The following ATP8B4 variants were observed in gnomAD, a reference collection of about 807,000 sequenced individuals.
ATP8B4 encodes the protein probable phospholipid-transporting ATPase IM.
Under a neutral mutation model 145.6 loss-of-function variants are expected in ATP8B4, and 133 were observed. That is an observed-to-expected ratio of 0.91 (90% CI 0.79 to 1.05). The LOEUF (loss-of-function observed/expected upper bound fraction) is 1.05, where lower values mean the gene tolerates loss of function less well. Among genes scored for constraint, ATP8B4 ranks in the 50% least tolerant of loss-of-function variants. The pLI is 0.00. For missense variants in ATP8B4, 1,458 were observed against 1,425.2 expected, an observed-to-expected ratio of 1.02 and a Z score of -0.37; for synonymous variants, 507 against 492.9, an observed-to-expected ratio of 1.03 and a Z score of -0.38.
intron 9 of ATP8B4, 107 bp from the exon 10 acceptor site, chr15:49,987,656 G>T: frequency 8.7e-7 from 1 of 1,147,716 alleles, no homozygotes; most frequent in Non-Finnish European, 1.2e-6. Flanking sequence ...TAGACAGCCT[G>T]GGGTTACATA....
At chr15:50,033,097 C>T (rs113190915) in intron 6 of ATP8B4, among the ~76,000 whole-genome samples, 3 of 152,148 alleles carry the variant, frequency 2.0e-5, no homozygotes, top group African/African-American at 7.2e-5. Flanking sequence ...TCTAGAAACA[C>T]CAGACTTGGA....
At chr15:49,884,908 TG>T (rs911884874) in intron 23 of ATP8B4, among the ~76,000 whole-genome samples, 1 of 152,234 alleles carries the variant, frequency 6.6e-6, no homozygotes, top group Admixed American at 6.5e-5. Flanking sequence ...TGATCTGAGG[TG>T]GAACAGTCTC....
At chr15:50,076,788 A>G (rs1171433431) in intron 2 of ATP8B4, among the ~76,000 whole-genome samples, 1 of 152,198 alleles carries the variant, frequency 6.6e-6, no homozygotes, top group African/African-American at 2.4e-5. Context: ...CTGGCAGAAA[A>G]TTTAGCATCC....
intron 2 of ATP8B4, among the ~76,000 whole-genome samples, chr15:50,076,353 G>A (rs761184802): frequency 3.9e-5 from 6 of 152,054 alleles, no homozygotes; most frequent in South Asian, 4.1e-4. Flanking sequence ...TTAGCTGGGC[G>A]TGGTGGCACA....
At chr15:49,864,479 G>A (rs2032432883) in intron 26 of ATP8B4, among the ~76,000 whole-genome samples, 1 of 152,150 alleles carries the variant, frequency 6.6e-6, no homozygotes, top group South Asian at 2.1e-4. Flanking sequence ...AGATGAACTC[G>A]GTTAGCAGCT....
At chr15:49,978,998 C>T (rs867955365) in intron 12 of ATP8B4, among the ~76,000 whole-genome samples, 1 of 152,100 alleles carries the variant, frequency 6.6e-6, no homozygotes, top group Non-Finnish European at 1.5e-5. Flanking sequence ...TATATTTTAA[C>T]TCCTTTATGT....
At position 49,858,510 on chromosome 15, in the gene ATP8B4, T is replaced by C. The variant is rs2031083344; in HGVS notation, c.*1684A>G. 1 of 152,234 alleles carries C rather than the reference T, an allele frequency of 6.6e-6. No homozygotes were observed. Among genetic ancestry groups the C allele is most frequent in the South Asian group, 2.1e-4 (1 of 4,836 alleles). 9.4% of individuals were successfully genotyped at this position (152,234 alleles called of 1,614,324 possible). A position where few individuals can be genotyped will look rare whatever the true frequency, so the allele number is the denominator to read the frequency against. The stretch of plus-strand genomic sequence containing the variant: ...ATTTTGGTTTTAAAAAATTGTGACC[T>C]ATAGATATCACATTAGCTCATTATC... On this transcript the variant is annotated 3_prime_UTR_variant, in exon 28 of 28. Coordinates refer to ENST00000284509, the MANE Select transcript of ATP8B4 (RefSeq NM_024837.4).
At chr15:49,966,978 G>C (rs1454196720) in intron 13 of ATP8B4, among the ~76,000 whole-genome samples, 3 of 151,982 alleles carry the variant, frequency 2.0e-5, no homozygotes, top group Admixed American at 6.5e-5. Flanking sequence ...CAGGCAAACA[G>C]GGTCTGGAGT....
intron 1 of ATP8B4, among the ~76,000 whole-genome samples, chr15:50,118,219 A>C (rs762859781): frequency 2.6e-5 from 4 of 152,216 alleles, no homozygotes; most frequent in Admixed American, 6.5e-5. Context: ...GCAGATTTGG[A>C]ATGTTCCCAA....
intron 9 of ATP8B4, among the ~76,000 whole-genome samples, chr15:49,991,340 T>C (rs549109298): frequency 9.2e-5 from 14 of 152,324 alleles, no homozygotes; most frequent in African/African-American, 2.9e-4. Flanking sequence ...ATACAAAATA[T>C]GTAAACTTGT....
chr15:50,112,751 C>T (rs1025316243), intron 1 of ATP8B4, among the ~76,000 whole-genome samples: 1 of 152,082 alleles, frequency 6.6e-6, no homozygotes, highest in Non-Finnish European at 1.5e-5. Context: ...GAACAGTTCA[C>T]TCCATAAAAG....
chr15:49,903,938 T>C (rs2038334667), intron 20 of ATP8B4, among the ~76,000 whole-genome samples: 1 of 151,740 alleles, frequency 6.6e-6, no homozygotes, highest in Non-Finnish European at 1.5e-5. Context: ...ATTGAAACCA[T>C]GACATCCTGT....
At chr15:50,116,612 A>C (rs1457849562) in intron 1 of ATP8B4, among the ~76,000 whole-genome samples, 3 of 152,190 alleles carry the variant, frequency 2.0e-5, no homozygotes, top group African/African-American at 7.2e-5. Flanking sequence ...ACAAGAACAA[A>C]GAGAGGTGAG....
intron 8 of ATP8B4, among the ~76,000 whole-genome samples, chr15:50,001,523 T>C (rs2047893190): frequency 6.6e-6 from 1 of 152,214 alleles, no homozygotes; most frequent in South Asian, 2.1e-4. Context: ...TTTCATTGTC[T>C]GTACAATAGG....
chr15:50,013,325 G>C (rs1212290446), intron 6 of ATP8B4, among the ~76,000 whole-genome samples: 5 of 152,094 alleles, frequency 3.3e-5, no homozygotes, highest in Non-Finnish European at 1.5e-5. Context: ...GGGGGACATA[G>C]GATGGCCTTT....
chr15:50,045,183 G>T (rs1339159786), intron 4 of ATP8B4, among the ~76,000 whole-genome samples: 2 of 152,118 alleles, frequency 1.3e-5, no homozygotes, highest in African/African-American at 4.8e-5. Flanking sequence ...ATCCCAGAAG[G>T]TTTGTATTCC....
At chr15:49,873,776 C>A (rs149065745) in intron 25 of ATP8B4, among the ~76,000 whole-genome samples, 242 of 152,288 alleles carry the variant, frequency 1.6e-3, no homozygotes, top group African/African-American at 5.4e-3. Context: ...TGAGGCCATG[C>A]AGTACTTGAC....
intron 3 of ATP8B4, among the ~76,000 whole-genome samples, chr15:50,051,387 G>A (rs1055854295): frequency 1.3e-5 from 2 of 152,084 alleles, no homozygotes; most frequent in African/African-American, 2.4e-5. Context: ...GCATGAAAAC[G>A]GACTAATACA....
At chr15:50,061,450 G>A (rs970264080) in intron 3 of ATP8B4, among the ~76,000 whole-genome samples, 10 of 152,044 alleles carry the variant, frequency 6.6e-5, no homozygotes, top group South Asian at 2.1e-4. Context: ...GGCCCTGAAC[G>A]GTTTCAGGAA....
Sources: allele counts gnomAD v4.1 joint callset (sites outside exome capture counted in the v4.1 genomes callset), GRCh38; gene constraint gnomAD v4.1.1; transcripts MANE v1.5; gene names NCBI Gene and HGNC (gene_info 2026-07-23, HGNC 2026-07-21).